The following ETF1 variants were observed in gnomAD, a reference collection of about 807,000 sequenced individuals.
The protein encoded by ETF1 is eukaryotic translation termination factor 1.
Under a neutral mutation model 55.1 loss-of-function variants are expected in ETF1, and 4 were observed. The ratio of observed to expected loss-of-function variants is 0.07; its 90% CI spans 0.04 to 0.17. The LOEUF is 0.17. ETF1 is among the 10% of genes least tolerant of loss of function. ETF1 has a pLI of 1.00. For missense variants in ETF1, 142 were observed against 523.6 expected (o/e 0.27, Z 7.11); for synonymous variants, 157 against 182.3 (o/e 0.86, Z 1.12).
chr5:138,533,470 G>A (rs1247519744), intron 2 of ETF1, among the ~76,000 whole-genome samples: 1 of 152,010 alleles, frequency 6.6e-6, no homozygotes, highest in Non-Finnish European at 1.5e-5. Flanking sequence ...GGCGGATCAC[G>A]AGGTCAAGAG....
At chr5:138,516,290 G>A (rs1765014734) in intron 4 of ETF1, among the ~76,000 whole-genome samples, 2 of 152,088 alleles carry the variant, frequency 1.3e-5, no homozygotes, top group Admixed American at 1.3e-4. Flanking sequence ...ATTTTCCATA[G>A]TGTGATAGCT....
intron 9 of ETF1, among the ~76,000 whole-genome samples, chr5:138,509,755 C>A (rs981234742): frequency 2.0e-5 from 3 of 151,830 alleles, no homozygotes; most frequent in African/African-American, 7.3e-5. Flanking sequence ...ATTAGTCAGG[C>A]GTGGTGGCGG....
chr5:138,510,446 A>C, intron 9 of ETF1, 119 bp downstream of exon 9: 1 of 506,542 alleles, frequency 2.0e-6, no homozygotes, highest in Non-Finnish European at 3.6e-6. Flanking sequence ...ACCACCTCCC[A>C]CAGCACCCCC....
chr5:138,526,706 T>C (rs1479150475), intron 2 of ETF1, among the ~76,000 whole-genome samples: 2 of 151,756 alleles, frequency 1.3e-5, no homozygotes, highest in African/African-American at 2.4e-5. Context: ...CCAACAGCTA[T>C]TGTTTTTTTT....
intron 2 of ETF1, among the ~76,000 whole-genome samples, chr5:138,541,183 A>G (rs1766157347): frequency 6.6e-6 from 1 of 152,230 alleles, no homozygotes. Flanking sequence ...CTGAAACAAA[A>G]GAACCTGGCT....
chr5:138,513,054 ACAAAGAAAAAT>A, intron 5 of ETF1, 100 bp from the exon 6 acceptor site: 1 of 1,401,078 alleles, frequency 7.1e-7, no homozygotes. Context: ...TAAGAAAAGG[ACAAAGAAAAAT>A]CACCATTCCC....
At chr5:138,517,739 A>C (rs772947339) in intron 3 of ETF1, 39 bp from the exon 4 acceptor site, 1 of 1,384,188 alleles carries the variant, frequency 7.2e-7, no homozygotes, top group Admixed American at 2.5e-5. Flanking sequence ...TTTACCCCAT[A>C]TCTAGTTTTT....
intron 4 of ETF1, among the ~76,000 whole-genome samples, chr5:138,514,447 T>C (rs76910446): frequency 0.06 from 9,173 of 152,218 alleles, 285 homozygotes; most frequent in Admixed American, 0.067. Context: ...CCCTACCAGC[T>C]ACTTGGAAAG....
intron 9 of ETF1, 147 bp from the exon 10 acceptor site, chr5:138,508,963 G>A: frequency 7.0e-7 from 1 of 1,426,252 alleles, no homozygotes; most frequent in South Asian, 1.6e-5. Context: ...GTCATCTCTG[G>A]TTTTGATAAC....
intron 9 of ETF1, among the ~76,000 whole-genome samples, chr5:138,510,084 A>G (rs185688297): frequency 0.014 from 2,091 of 150,756 alleles, 21 homozygotes; most frequent in Non-Finnish European, 0.02. Context: ...AAGACCGGTC[A>G]TGGTGGCTCA....
At chr5:138,512,197 C>CAAAAAAAAAAAA (rs58386195) in intron 6 of ETF1, among the ~76,000 whole-genome samples, 1 of 2,842 alleles carries the variant, frequency 3.5e-4, no homozygotes, top group Non-Finnish European at 5.6e-4. Context: ...GACCCAGTCT[C>CAAAAAAAAAAAA]AAAAAAAAAA....
intron 6 of ETF1, among the ~76,000 whole-genome samples, chr5:138,512,258 A>ATATAT (rs1484458741): frequency 4.5e-4 from 9 of 20,020 alleles, no homozygotes; most frequent in African/African-American, 1.5e-3. Flanking sequence ...ATATATATAT[A>ATATAT]TTTTTTTTTT....
At chr5:138,532,935 T>G (rs1026686853) in intron 2 of ETF1, among the ~76,000 whole-genome samples, 1 of 152,062 alleles carries the variant, frequency 6.6e-6, no homozygotes, top group Non-Finnish European at 1.5e-5. Flanking sequence ...AGTAAGTGTA[T>G]ATAAGCTTCT....
At chr5:138,515,050 T>C (rs531007586) in intron 4 of ETF1, among the ~76,000 whole-genome samples, 1 of 152,142 alleles carries the variant, frequency 6.6e-6, no homozygotes, top group Non-Finnish European at 1.5e-5. Flanking sequence ...TTTAAGAAAA[T>C]AGCCCCTTCA....
intron 9 of ETF1, among the ~76,000 whole-genome samples, chr5:138,509,358 C>T (rs1764673455): frequency 6.6e-6 from 1 of 152,216 alleles, no homozygotes; most frequent in Non-Finnish European, 1.5e-5. Context: ...TTTCACAGTG[C>T]AGGAGAGGCA....
At chr5:138,516,371 A>AC (rs1765017989) in intron 4 of ETF1, among the ~76,000 whole-genome samples, 2 of 150,662 alleles carry the variant, frequency 1.3e-5, no homozygotes, top group Non-Finnish European at 3.0e-5. Context: ...CAAAAATCAA[A>AC]ACACACACAC....
At chr5:138,508,587 C>T (rs1306867984) in intron 10 of ETF1, 82 bp downstream of exon 10, 44 of 1,577,410 alleles carry the variant, frequency 2.8e-5, no homozygotes, top group African/African-American at 6.8e-5. Context: ...AGCACCTCAC[C>T]GGAAGCAGGG....
At chr5:138,516,353 T>C (rs923511708) in intron 4 of ETF1, among the ~76,000 whole-genome samples, 20 of 144,968 alleles carry the variant, frequency 1.4e-4, no homozygotes, top group African/African-American at 5.0e-5. Flanking sequence ...ACACCTACTA[T>C]GTACCCACAA....
intron 2 of ETF1, chr5:138,542,510 TG>T: frequency 1.4e-6 from 1 of 690,476 alleles, no homozygotes; most frequent in Non-Finnish European, 2.1e-6. Flanking sequence ...CCGAGTCGGG[TG>T]GCAGCACCTG....
Sources: gnomAD v4.1 joint callset for allele counts (sites outside exome capture counted in the v4.1 genomes callset) on GRCh38, gnomAD v4.1.1 for gene constraint, MANE v1.5 for transcripts, NCBI Gene and HGNC (gene_info 2026-07-23, HGNC 2026-07-21) for gene names.